CZIB: variants seen among roughly 807,000 people sequenced by gnomAD.
CZIB encodes the protein UPF0587 protein C1orf123.
CZIB carries 26 observed loss-of-function variants against 28.3 expected under a neutral mutation model. That is an observed-to-expected ratio of 0.92 (90% CI 0.67 to 1.27). CZIB has a LOEUF of 1.27. Among genes scored for constraint, CZIB ranks in the 50% most tolerant of loss-of-function variants. The pLI is 0.00. For synonymous variants in CZIB, 78 were observed against 71.1 expected (o/e 1.10, Z -0.49); for missense variants, 179 against 197.3 (o/e 0.91, Z 0.56).
chr1:53,218,541 T>C, intron 3 of CZIB, 46 bp from the exon 4 acceptor site: 1 of 1,582,300 alleles, frequency 6.3e-7, no homozygotes, highest in Non-Finnish European at 8.7e-7. Context: ...GAATTAGATG[T>C]ACAGTCCTGA....
chr1:53,220,340 A>G lies in CZIB; in HGVS notation c.11T>C (p.Ile4Thr), dbSNP rs1405766515. The change falls in exon 2 of 8, where the codon ATC (isoleucine) becomes ACC (threonine). Residue 4 changes from isoleucine to threonine, a missense_variant. Physicochemically the swap from Ile to Thr is moderately conservative, Grantham distance 89 (BLOSUM62 -1). Transcript: ENST00000294360. The stretch of plus-strand genomic sequence containing the variant: ...CAGCGTGGCTTTGAGTTGCAGCGCG[A>G]TTTTCTGAGGGGGAGGGCCAGAGCG... MGK[I>T]ALQLKATLEN... The G allele has an allele frequency of 6.2e-7, 1 of 1,612,514 alleles. No homozygotes were observed. Among genetic ancestry groups the G allele is most frequent in the East Asian group, 2.2e-5 (1 of 44,856 alleles).
In CZIB at chr1:53,220,297, G is replaced by A; in HGVS notation, c.54C>T (p.Leu18=). The change falls in exon 2 of 8, where the codon CTC becomes CTT. Residue 18 remains leucine, a synonymous_variant. Coordinates refer to ENST00000294360, the MANE Select transcript of CZIB (RefSeq NM_017887.3). ...ACCGGAAGTCCTCGCCCACGGGCCG[G>A]AGGTTGGTGATGTTCTCCAGCGTGG... ...LKATLENITN[L]RPVGEDFRWY... is the part of the protein sequence containing the mutation. 6.2e-7 allele frequency: 1 copy of A among 1,613,626 alleles called. No individual in the cohort carries two copies. The highest frequency in any genetic ancestry group is 8.5e-7 in the Non-Finnish European group (1 of 1,179,936).
chr1:53,216,863 G>A lies in CZIB; in HGVS notation c.262-4C>T. The A allele has an allele frequency of 6.2e-7, 1 of 1,613,874 alleles. No individual in the cohort carries two copies. The highest frequency in any genetic ancestry group is 8.5e-7 in the Non-Finnish European group (1 of 1,179,740). On this transcript the variant is annotated splice_region_variant and splice_polypyrimidine_tract_variant and intron_variant, in intron 5 of 7. Transcript: ENST00000294360. ...TGAAGTTCTCATTGTCTTCAGCCTAGAAAGGAAGTGTGTTGAGGAGGCAGG... is the reference window on the plus strand; with the variant it reads ...TGAAGTTCTCATTGTCTTCAGCCTAAAAAGGAAGTGTGTTGAGGAGGCAGG...
chr1:53,216,107 G>T (rs1445952028), intron 6 of CZIB, 51 bp from the exon 7 acceptor site: 2 of 1,589,362 alleles, frequency 1.3e-6, no homozygotes, highest in Non-Finnish European at 1.7e-6. Flanking sequence ...AAGGCATTGG[G>T]CTATAAGTAA....
chr1:53,218,475 C>T lies in CZIB; in HGVS notation c.168G>A (p.Gly56=). 1 of 1,614,174 alleles carries T rather than the reference C, an allele frequency of 6.2e-7. No individual in the cohort carries two copies. The highest frequency in any genetic ancestry group is 8.5e-7 in the Non-Finnish European group (1 of 1,180,014). The stretch of plus-strand genomic sequence containing the variant: ...GGACCATGGAAGCACTGCCACGGCC[C>T]CCCTTCAGTGCCACACTGTCCTGGC... The part of the protein sequence containing the change: ...IRLMDSVALK[G]GRGSASMVQK... Residue 56 remains glycine (G), a synonymous_variant, in exon 4 of 8, where the codon GGG becomes GGA. Transcript: ENST00000294360.
chr1:53,219,162 G>A lies in CZIB; in HGVS notation c.91-239C>T, dbSNP rs79108000. The A allele has an allele frequency of 9.2e-3, 4,809 of 522,640 alleles. 186 individuals carry two copies. The highest frequency in any genetic ancestry group is 0.08 in the African/African-American group (4,145 of 51,766). The allele number at this position is 522,640 out of a possible 1,614,324, so 32.4% of individuals were successfully genotyped here. On this transcript the variant is annotated intron_variant, in intron 2 of 7. Coordinates refer to ENST00000294360, the MANE Select transcript of CZIB (RefSeq NM_017887.3). The stretch of plus-strand genomic sequence containing the variant: ...CCTCTATGAAGTGCTCAGTGTGGCC[G>A]GGGATTCAAGGCACCTGTGGTGCAG...
At chr1:53,220,489 T>A (rs1645516132) in intron 1 of CZIB, 81 bp downstream of exon 1, 2 of 1,592,982 alleles carry the variant, frequency 1.3e-6, no homozygotes, top group South Asian at 2.2e-5. Flanking sequence ...ACTCGCTTCA[T>A]CTCCTCCTGG....
intron 1 of CZIB, 97 bp from the exon 2 acceptor site, chr1:53,220,441 G>C (rs1361672271): frequency 1.3e-6 from 2 of 1,575,916 alleles, no homozygotes; most frequent in African/African-American, 2.7e-5. Context: ...GCCACAGGGA[G>C]ACACTCCTTC....
rs780548676 is a variant in CZIB at position 53,218,188 on chromosome 1, G to A, written c.245C>T (p.Thr82Ile). The A allele has an allele frequency of 6.2e-7, 1 of 1,614,116 alleles. No individual in the cohort carries two copies. The highest frequency in any genetic ancestry group is 2.2e-5 in the East Asian group (1 of 44,886). Residue 82 changes from threonine (T) to isoleucine (I), a missense_variant, in exon 5 of 8, where the codon ACC becomes ATC. Thr to Ile is a moderately conservative substitution (Grantham distance 89, BLOSUM62 -1). Transcript: ENST00000294360. Reference protein sequence around the residue: ...RENSIEILSSTIKPYNAEDNE... With the variant: ...RENSIEILSSIIKPYNAEDNE... ...CAAACTTACATTGTAAGGCTTGATG[G>A]TGCTGCTTAAAATCTCTGAAATAGA... is the stretch of plus-strand genomic sequence containing the variant.
chr1:53,217,932 G>T, intron 5 of CZIB: 1 of 537,406 alleles, frequency 1.9e-6, no homozygotes, highest in Non-Finnish European at 3.3e-6. Context: ...GAACAGCTAG[G>T]TTGTGTCAGA....
chr1:53,214,813 A>C (rs1162511010), intron 7 of CZIB, 77 bp from the exon 8 acceptor site: 4 of 1,209,072 alleles, frequency 3.3e-6, no homozygotes, highest in Non-Finnish European at 4.8e-6. Context: ...GGGACTTAAA[A>C]GGCCCAGCTC....
At position 53,216,184 on chromosome 1, in the gene CZIB, C is replaced by T. The variant is rs2297664; in HGVS notation, c.340-128G>A. ...GAGGACAGAGATGCAGTATGAGTAC[C>T]TGTCTTGGAATAACTGCTGAGCTTC... On this transcript the variant is annotated intron_variant, in intron 6 of 7. Transcript: ENST00000294360. The T allele has an allele frequency of 4.9e-6, 4 of 816,146 alleles. No individual in the cohort carries two copies. In the East Asian group the frequency reaches 1.0e-4, roughly 21 times the overall value. The allele number at this position is 816,146 out of a possible 1,614,324, so 50.6% of individuals were successfully genotyped here. A position where few individuals can be genotyped will look rare whatever the true frequency, so the allele number is the denominator to read the frequency against.
chr1:53,214,755 T>C lies in CZIB; in HGVS notation c.406-19A>G, dbSNP rs1263632057. 1.2e-6 allele frequency: 2 copies of C among 1,610,158 alleles called. No homozygotes were observed. Among genetic ancestry groups the C allele is most frequent in the Non-Finnish European group, 1.7e-6 (2 of 1,177,164 alleles). ...TCCAGTCCTGGGAAACAAAATGGCA[T>C]TGTTAGCCTCACAACGCAGAATGCA... On this transcript the variant is annotated intron_variant, in intron 7 of 7. Coordinates refer to ENST00000294360, the MANE Select transcript of CZIB (RefSeq NM_017887.3).
At chr1:53,220,478 C>G in intron 1 of CZIB, 92 bp downstream of exon 1, 1 of 1,584,414 alleles carries the variant, frequency 6.3e-7, no homozygotes, top group Non-Finnish European at 8.6e-7. Flanking sequence ...AGCGCGCACC[C>G]ACTCGCTTCA....
intron 2 of CZIB, 37 bp from the exon 3 acceptor site, chr1:53,218,960 C>T: frequency 6.4e-7 from 1 of 1,574,516 alleles, no homozygotes; most frequent in Non-Finnish European, 8.7e-7. Flanking sequence ...GCAGCTGGCT[C>T]TGCTGCACAG....
chr1:53,214,419 A>G lies in CZIB; in HGVS notation c.*240T>C. The G allele has an allele frequency of 2.0e-6, 1 of 491,030 alleles. No individual in the cohort carries two copies. Among genetic ancestry groups the G allele is most frequent in the Non-Finnish European group, 3.7e-6 (1 of 273,470 alleles). The allele number at this position is 491,030 out of a possible 1,614,324, so 30.4% of individuals were successfully genotyped here. A position where few individuals can be genotyped will look rare whatever the true frequency, so the allele number is the denominator to read the frequency against. On this transcript the variant is annotated 3_prime_UTR_variant, in exon 8 of 8. Transcript: ENST00000294360. ...CTAAGGAGTGAACTGCTGCTGCACG[A>G]ATTCTTATTTGTGGAGGGAGTAGCT... is the stretch of plus-strand genomic sequence containing the variant.
In CZIB at chr1:53,218,922, A is replaced by G; in HGVS notation, c.92T>C (p.Met31Thr). Residue 31 changes from methionine (M) to threonine (T), a missense_variant and splice_region_variant, in exon 3 of 8, where the codon ATG (methionine) becomes ACG (threonine). Physicochemically the swap from Met to Thr is moderately conservative, Grantham distance 81. Transcript: ENST00000294360. ...AATCTCACCACAGTTGCCACATTTC[A>G]TCTTTGGGGAAAAAGAATGTTAGTA... ...VGEDFRWYLK[M>T]KCGNCGEISD... 1 of 1,613,616 alleles carries G rather than the reference A, an allele frequency of 6.2e-7. No individual in the cohort carries two copies. Among genetic ancestry groups the G allele is most frequent in the Non-Finnish European group, 8.5e-7 (1 of 1,179,606 alleles).
intron 5 of CZIB, 92 bp from the exon 6 acceptor site, chr1:53,216,951 G>T: frequency 9.3e-7 from 1 of 1,072,830 alleles, no homozygotes; most frequent in Non-Finnish European, 1.4e-6. Flanking sequence ...GGCACTTACT[G>T]CCCCTGGAGG....
At chr1:53,218,728 C>A (rs1014231359) in intron 3 of CZIB, 139 bp downstream of exon 3, 1 of 914,802 alleles carries the variant, frequency 1.1e-6, no homozygotes, top group South Asian at 1.5e-5. Context: ...GCTGATCACA[C>A]TGACACCTAC....
Sources: allele counts gnomAD v4.1 joint callset, GRCh38; gene constraint gnomAD v4.1.1; transcripts MANE v1.5; gene names NCBI Gene and HGNC (gene_info 2026-07-23, HGNC 2026-07-21).